Variants in LHX8 observed in about 807,000 individuals in gnomAD.
LHX8 encodes the protein LIM homeobox 8, also known as LIM/homeobox protein Lhx8.
In LHX8, 12 loss-of-function variants were observed where a neutral mutation model predicts 40.3. The ratio of observed to expected loss-of-function variants is 0.30; its 90% confidence interval spans 0.19 to 0.48. The LOEUF (loss-of-function observed/expected upper bound fraction) is 0.48, where lower values mean the gene tolerates loss of function less well. Among genes scored for constraint, LHX8 ranks in the 20% least tolerant of loss-of-function variants. LHX8 has a pLI of 0.99. For synonymous variants in LHX8, 179 were observed against 162.0 expected (o/e 1.10, Z -0.80); for missense variants, 344 against 433.7 (o/e 0.79, Z 1.84).
intron 6 of LHX8, among the ~76,000 whole-genome samples, chr1:75,148,022 C>T (rs1414376982): frequency 6.6e-6 from 1 of 152,170 alleles, no homozygotes; most frequent in Non-Finnish European, 1.5e-5. Flanking sequence ...CATGTTTAGA[C>T]TCTGGTAAAT....
upstream of LHX8, among the ~76,000 whole-genome samples, chr1:75,132,169 AC>A (rs2100323684): frequency 6.6e-6 from 1 of 152,264 alleles, no homozygotes; most frequent in Admixed American, 6.5e-5. Context: ...GCTCCAGGGA[AC>A]CGGGCCACCA....
chr1:75,177,350 T>C, the LHX8 span, among the ~76,000 whole-genome samples: 1 of 152,202 alleles, frequency 6.6e-6, no homozygotes, highest in Admixed American at 6.5e-5. Context: ...TTTATTTCGT[T>C]GATCAGTGGT....
chr1:75,162,917 G>A (rs1648950420), downstream of LHX8, among the ~76,000 whole-genome samples: 1 of 152,032 alleles, frequency 6.6e-6, no homozygotes, highest in Admixed American at 6.6e-5. Flanking sequence ...GTGAAGATTA[G>A]AGAAAGAAAA....
chr1:75,191,411 G>A, the LHX8 span, among the ~76,000 whole-genome samples: 1 of 152,112 alleles, frequency 6.6e-6, no homozygotes, highest in African/African-American at 2.4e-5. Context: ...TTTCAGAGGA[G>A]CAGTGCCAGC....
At chr1:75,130,854 G>A (rs1647943070), upstream of LHX8, 2 of 944,798 alleles carry the variant, frequency 2.1e-6, no homozygotes, top group African/African-American at 1.6e-5. Flanking sequence ...CCTGAACCAA[G>A]TGTGACATCC....
chr1:75,148,218 T>C lies in LHX8; in HGVS notation c.685-369T>C, dbSNP rs1472975164. Among the ~76,000 whole-genome samples the C allele has an allele frequency of 5.9e-5, 9 of 152,306 alleles. No individual in the cohort carries two copies. The East Asian group carries it at 1.7e-3, about 29-fold the overall frequency. On this transcript the variant is annotated intron_variant, in intron 6 of 8. Coordinates refer to ENST00000356261, the MANE Select transcript of LHX8 (RefSeq NM_001256114.2). Reference sequence around the variant, plus strand: ...AAGGTTGGAGACAAATGTGATATGATTTTTGTATTAAGTTTTCAAATGTTG... The same window carrying C: ...AAGGTTGGAGACAAATGTGATATGACTTTTGTATTAAGTTTTCAAATGTTG...
intron 5 of LHX8, 48 bp from the exon 6 acceptor site, chr1:75,143,797 T>C (rs531299440): frequency 2.3e-6 from 3 of 1,330,200 alleles, no homozygotes; most frequent in African/African-American, 2.9e-5. Flanking sequence ...GTAAGATGGG[T>C]GTACCCATTT....
intron 1 of LHX8, among the ~76,000 whole-genome samples, chr1:75,135,249 C>T (rs1188709561): frequency 6.6e-6 from 1 of 152,244 alleles, no homozygotes; most frequent in Non-Finnish European, 1.5e-5. Context: ...CAAGCTCTCA[C>T]CTCACTCGGG....
chr1:75,145,133 G>A (rs1000443065), intron 6 of LHX8, among the ~76,000 whole-genome samples: 2 of 152,000 alleles, frequency 1.3e-5, no homozygotes, highest in East Asian at 3.9e-4. Flanking sequence ...TAGTCAATAA[G>A]CAAAAAATGA....
the LHX8 span, among the ~76,000 whole-genome samples, chr1:75,188,525 C>A: frequency 1.3e-5 from 2 of 152,162 alleles, no homozygotes; most frequent in Non-Finnish European, 2.9e-5. Flanking sequence ...TCATGGGCCA[C>A]AGCTTCACAG....
chr1:75,197,714 C>T, the LHX8 span, among the ~76,000 whole-genome samples: 1 of 152,284 alleles, frequency 6.6e-6, no homozygotes, highest in East Asian at 1.9e-4. Flanking sequence ...GGAGCCTCAC[C>T]TATAAGGCTG....
At chr1:75,181,360 G>A in the LHX8 span, among the ~76,000 whole-genome samples, 1 of 152,174 alleles carries the variant, frequency 6.6e-6, no homozygotes, top group African/African-American at 2.4e-5. Flanking sequence ...GCTGCAGTGG[G>A]CTCCACCCAG....
intron 7 of LHX8, among the ~76,000 whole-genome samples, chr1:75,154,155 C>G (rs1648690367): frequency 6.6e-6 from 1 of 152,124 alleles, no homozygotes; most frequent in African/African-American, 2.4e-5. Context: ...TGAGGAGAGT[C>G]AAAAGGACTT....
At chr1:75,169,409 A>G in the LHX8 span, among the ~76,000 whole-genome samples, 1 of 152,288 alleles carries the variant, frequency 6.6e-6, no homozygotes, top group South Asian at 2.1e-4. Context: ...ATTAAATATA[A>G]TGCAGTTGAG....
intron 5 of LHX8, among the ~76,000 whole-genome samples, 189 bp from the exon 6 acceptor site, chr1:75,143,656 T>C (rs986205881): frequency 6.6e-6 from 1 of 152,194 alleles, no homozygotes; most frequent in Non-Finnish European, 1.5e-5. Context: ...TTTCACTAAA[T>C]ATACAAGTCT....
Position 75,156,860 on chromosome 1 carries a change from C to A in LHX8, c.781-33C>A, listed in dbSNP as rs781618982. 3.1e-6 allele frequency: 5 copies of A among 1,607,106 alleles called. No individual in the cohort carries two copies. In the South Asian group the frequency reaches 5.5e-5, roughly 18 times the overall value. ...ATGTGCTCAGAAGCTGGTGTGTAAC[C>A]TACCTACTTCTGTTGCTTTTCTCCC... On this transcript the variant is annotated intron_variant, in intron 7 of 8. Coordinates refer to ENST00000356261, the MANE Select transcript of LHX8 (RefSeq NM_001256114.2).
At chr1:75,156,803 G>A in intron 7 of LHX8, 90 bp from the exon 8 acceptor site, 1 of 1,126,050 alleles carries the variant, frequency 8.9e-7, no homozygotes, top group Middle Eastern at 2.2e-4. Context: ...TAGTGTGATT[G>A]AGGTTGCATT....
chr1:75,130,786 C>T (rs1022858376), upstream of LHX8: 1 of 1,567,254 alleles, frequency 6.4e-7, no homozygotes, highest in Non-Finnish European at 8.8e-7. Context: ...TTTTTCCAGA[C>T]TAATATTTAT....
At chr1:75,139,155 C>T (rs1324282437) in intron 3 of LHX8, among the ~76,000 whole-genome samples, 3 of 152,054 alleles carry the variant, frequency 2.0e-5, no homozygotes, top group South Asian at 4.1e-4. Context: ...AAAAGTATGA[C>T]AGGAGTTAGA....
Sources: gnomAD v4.1 joint callset for allele counts (sites outside exome capture counted in the v4.1 genomes callset) on GRCh38, gnomAD v4.1.1 for gene constraint, MANE v1.5 for transcripts, NCBI Gene and HGNC (gene_info 2026-07-23, HGNC 2026-07-21) for gene names.